The following PDZRN3 variants were observed in gnomAD, a reference collection of about 807,000 sequenced individuals.
PDZRN3 encodes E3 ubiquitin-protein ligase PDZRN3.
Under a neutral mutation model 85.7 loss-of-function variants are expected in PDZRN3, and 38 were observed. The ratio of observed to expected loss-of-function variants is 0.44; its 90% CI spans 0.34 to 0.58. The LOEUF (loss-of-function observed/expected upper bound fraction) is 0.58, where lower values mean the gene tolerates loss of function less well. PDZRN3 is among the 20% of genes least tolerant of loss of function. PDZRN3 has a pLI of 0.01. For missense variants in PDZRN3, 1,629 were observed against 1,506.4 expected (o/e 1.08, Z -1.35); for synonymous variants, 759 against 638.0 (o/e 1.19, Z -2.86).
intron 5 of PDZRN3, among the ~76,000 whole-genome samples, chr3:73,399,392 G>A (rs950575849): frequency 9.9e-5 from 15 of 152,184 alleles, no homozygotes; most frequent in African/African-American, 3.6e-4. Context: ...TGGCCAGAGA[G>A]GTGGGGGAAA....
chr3:73,384,700 G>T lies in PDZRN3; in HGVS notation c.1866C>A (p.Asn622Lys). 7 of 1,614,048 alleles carry T rather than the reference G, an allele frequency of 4.3e-6. No homozygotes were observed. Among genetic ancestry groups the T allele is most frequent in the Non-Finnish European group, 5.9e-6 (7 of 1,180,038 alleles). The stretch of plus-strand genomic sequence containing the variant: ...TGCAGTCGGCCGAAATGAAAGACTC[G>T]TTGCTGAAGGGCAGGTCGCCGCTGC... ...TLGSGDLPFS[N>K]ESFISADCTD... Residue 622 changes from asparagine (N) to lysine (K), a missense_variant, in exon 10 of 10, where the codon AAC becomes AAA. Coordinates refer to ENST00000263666, the MANE Select transcript of PDZRN3 (RefSeq NM_015009.3).
chr3:73,479,877 C>T (rs902287387), intron 3 of PDZRN3, among the ~76,000 whole-genome samples: 4 of 151,172 alleles, frequency 2.6e-5, no homozygotes, highest in African/African-American at 7.3e-5. Context: ...GTATGAGTTG[C>T]GGGGGGCGGG....
At chr3:73,532,398 AG>A (rs1362851244) in intron 3 of PDZRN3, among the ~76,000 whole-genome samples, 3 of 152,214 alleles carry the variant, frequency 2.0e-5, no homozygotes, top group Non-Finnish European at 2.9e-5. Context: ...CTCCCAAACA[AG>A]GTCAGGACAC....
chr3:73,593,371 G>T (rs1182023746), intron 3 of PDZRN3, among the ~76,000 whole-genome samples: 1 of 152,016 alleles, frequency 6.6e-6, no homozygotes, highest in Non-Finnish European at 1.5e-5. Context: ...TTTTATGAAA[G>T]GAAGACTTTG....
At chr3:73,529,295 C>A (rs1159822287) in intron 3 of PDZRN3, among the ~76,000 whole-genome samples, 1 of 152,198 alleles carries the variant, frequency 6.6e-6, no homozygotes, top group African/African-American at 2.4e-5. Flanking sequence ...TGCCGGCACC[C>A]TTGCCACTGG....
intron 3 of PDZRN3, among the ~76,000 whole-genome samples, chr3:73,558,673 T>C (rs1435733327): frequency 6.6e-6 from 1 of 152,224 alleles, no homozygotes; most frequent in African/African-American, 2.4e-5. Context: ...CTCTAAGCTT[T>C]TGGAGAATCC....
chr3:73,519,977 G>A (rs1161516800), intron 3 of PDZRN3, among the ~76,000 whole-genome samples: 2 of 152,164 alleles, frequency 1.3e-5, no homozygotes, highest in Non-Finnish European at 2.9e-5. Context: ...AGACTATGAT[G>A]AGAATGGCGT....
intron 3 of PDZRN3, among the ~76,000 whole-genome samples, chr3:73,550,660 T>C (rs937787957): frequency 3.3e-5 from 5 of 152,188 alleles, no homozygotes; most frequent in African/African-American, 1.2e-4. Flanking sequence ...TAAATGCTGG[T>C]TTCTAAAAAA....
At chr3:73,532,069 T>C (rs1366105838) in intron 3 of PDZRN3, among the ~76,000 whole-genome samples, 1 of 152,204 alleles carries the variant, frequency 6.6e-6, no homozygotes, top group Non-Finnish European at 1.5e-5. Flanking sequence ...TGGCGCGATC[T>C]TGGCTCACTG....
chr3:73,582,084 A>C (rs1702211034), intron 3 of PDZRN3, among the ~76,000 whole-genome samples: 1 of 152,182 alleles, frequency 6.6e-6, no homozygotes, highest in Non-Finnish European at 1.5e-5. Context: ...TGGGTGACAG[A>C]ATGAGACCCT....
Position 73,384,898 on chromosome 3 carries a change from A to G in PDZRN3, c.1668T>C (p.Asp556=), listed in dbSNP as rs138124830. ...KKHDEDGGTT[D]TATILSNQHE... ...GCTGGTTGGACAAGATGGTGGCTGT[A>G]TCTGTGGTCCCACCGTCTTCGTCGT... Residue 556 remains aspartate (D), a synonymous_variant, in exon 10 of 10, where the codon GAT becomes GAC. Transcript: ENST00000263666. 20 of 1,610,492 alleles carry G rather than the reference A, an allele frequency of 1.2e-5. No homozygotes were observed. Among genetic ancestry groups the G allele is most frequent in the Non-Finnish European group, 1.5e-5 (18 of 1,177,774 alleles).
intron 3 of PDZRN3, among the ~76,000 whole-genome samples, chr3:73,478,751 G>C (rs1241633342): frequency 1.3e-5 from 2 of 152,184 alleles, no homozygotes; most frequent in Non-Finnish European, 2.9e-5. Flanking sequence ...GTCAGTAATA[G>C]TTGTAGAATT....
chr3:73,575,683 C>T (rs149150300), intron 3 of PDZRN3, among the ~76,000 whole-genome samples: 168 of 152,268 alleles, frequency 1.1e-3, no homozygotes, highest in Middle Eastern at 3.4e-3. Context: ...GTTGTAGAGA[C>T]GACAAATGAA....
intron 3 of PDZRN3, among the ~76,000 whole-genome samples, chr3:73,487,662 C>T (rs1249856052): frequency 6.6e-6 from 1 of 152,136 alleles, no homozygotes; most frequent in African/African-American, 2.4e-5. Flanking sequence ...AGATATGCCC[C>T]ATTAAATAGC....
chr3:73,402,920 T>A (rs1284293456), intron 4 of PDZRN3, among the ~76,000 whole-genome samples: 1 of 149,238 alleles, frequency 6.7e-6, no homozygotes, highest in Non-Finnish European at 1.5e-5. Context: ...TCCTCAGATG[T>A]GCAAAGTCAC....
intron 3 of PDZRN3, among the ~76,000 whole-genome samples, chr3:73,439,867 T>G (rs1369809620): frequency 6.6e-6 from 1 of 152,170 alleles, no homozygotes; most frequent in East Asian, 1.9e-4. Context: ...GCCTTCTGAA[T>G]AGCTGGGACT....
chr3:73,564,967 C>T (rs1292239027), intron 3 of PDZRN3, among the ~76,000 whole-genome samples: 2 of 152,186 alleles, frequency 1.3e-5, no homozygotes, highest in Non-Finnish European at 2.9e-5. Context: ...ATCATTACCA[C>T]CACTGCCAAT....
chr3:73,505,492 TA>T (rs549132573), intron 3 of PDZRN3, among the ~76,000 whole-genome samples: 2 of 151,996 alleles, frequency 1.3e-5, no homozygotes, highest in Non-Finnish European at 1.5e-5. Flanking sequence ...TTATTCAAAT[TA>T]AAAAAAACAT....
chr3:73,544,629 G>A (rs1430178737), intron 3 of PDZRN3, among the ~76,000 whole-genome samples: 4 of 150,672 alleles, frequency 2.7e-5, no homozygotes, highest in African/African-American at 7.3e-5. Context: ...CTGTGGTGCC[G>A]AGATATTCAG....
Sources: allele counts gnomAD v4.1 joint callset (sites outside exome capture counted in the v4.1 genomes callset), GRCh38; gene constraint gnomAD v4.1.1; transcripts MANE v1.5; gene names NCBI Gene and HGNC (gene_info 2026-07-23, HGNC 2026-07-21).